Variants in SNX29 observed in about 807,000 individuals in gnomAD.
SNX29 encodes the protein sorting nexin-29.
A neutral mutation model predicts 102.1 loss-of-function variants in SNX29; 78 were observed. The observed-to-expected ratio is 0.76, with a 90% CI of 0.64 to 0.92. The LOEUF is 0.92. Ranked by LOEUF, SNX29 falls within the 40% of genes least tolerant of loss-of-function variation. The pLI is 0.00. For missense variants in SNX29, 1,280 were observed against 1,061.7 expected (o/e 1.21, Z -2.86); for synonymous variants, 580 against 414.5 (o/e 1.40, Z -4.85).
chr16:12,399,610 C>T (rs1235672798), intron 17 of SNX29, among the ~76,000 whole-genome samples: 2 of 152,180 alleles, frequency 1.3e-5, no homozygotes, highest in Non-Finnish European at 2.9e-5. Context: ...GCCTCACTTT[C>T]CTAATTTGTG....
intron 18 of SNX29, among the ~76,000 whole-genome samples, chr16:12,417,704 C>T (rs1204228085): frequency 6.6e-6 from 1 of 151,228 alleles, no homozygotes; most frequent in African/African-American, 2.5e-5. Context: ...GTCCTCTCTT[C>T]TCTTTCCTCT....
rs961698616 is a variant in SNX29, at chr16:12,564,961, T to G, written c.2319-3545T>G. Among the ~76,000 whole-genome samples the G allele has an allele frequency of 2.0e-5, 3 of 150,322 alleles. No individual in the cohort carries two copies. In the South Asian group the frequency reaches 6.4e-4, roughly 32 times the overall value. On this transcript the variant is annotated intron_variant, in intron 20 of 20. Coordinates refer to ENST00000566228, the MANE Select transcript of SNX29 (RefSeq NM_032167.5). ...AAAAAAAAAAAAAAAAGGCTGTCAT[T>G]GTAAATGTGAGGCGTTTCAGCTTCC... is the stretch of plus-strand genomic sequence containing the variant.
chr16:12,525,990 A>G (rs996379304), intron 20 of SNX29, among the ~76,000 whole-genome samples: 2 of 152,074 alleles, frequency 1.3e-5, no homozygotes, highest in African/African-American at 2.4e-5. Context: ...GGGAACCAAA[A>G]CCATCAAGCC....
chr16:12,204,274 G>T (rs2076990850), intron 14 of SNX29, among the ~76,000 whole-genome samples: 1 of 152,118 alleles, frequency 6.6e-6, no homozygotes, highest in African/African-American at 2.4e-5. Context: ...AGCCTCCCCT[G>T]CTCCTGTTAT....
chr16:12,568,594 ACCCGCAACGTGGAGC>A lies in SNX29; in HGVS notation c.2411_2425del (p.Arg804_Pro808del), dbSNP rs1567225116. Reference sequence around the variant, plus strand: ...ACTGTCCCGGGGTCAGCCCCGGGAGACCCGCAACGTGGAGCCCCAGAGCGGTGACCTCTGACCTCG... The same window carrying A: ...ACTGTCCCGGGGTCAGCCCCGGGAGACCCAGAGCGGTGACCTCTGACCTCG... On this transcript the variant is annotated inframe_deletion, in exon 21 of 21. Transcript: ENST00000566228. 6.2e-7 allele frequency: 1 copy of A among 1,606,014 alleles called. No individual in the cohort carries two copies.
rs1489741496 is a variant in SNX29 at position 12,234,354 on chromosome 16, G to A, written c.1678+34671G>A. Among the ~76,000 whole-genome samples the A allele has an allele frequency of 2.0e-5, 3 of 152,098 alleles. 1 individual carries two copies. Among genetic ancestry groups the A allele is most frequent in the Non-Finnish European group, 4.4e-5 (3 of 68,024 alleles). ...TCTACAAATGGCTTACTGGCCATTT[G>A]TAGATCTTCAAAGGGTGTCTTTTCA... On this transcript the variant is annotated intron_variant, in intron 14 of 20. Coordinates refer to ENST00000566228, the MANE Select transcript of SNX29 (RefSeq NM_032167.5).
intron 14 of SNX29, among the ~76,000 whole-genome samples, chr16:12,269,262 C>T (rs1303441526): frequency 1.3e-5 from 2 of 152,128 alleles, no homozygotes; most frequent in Non-Finnish European, 2.9e-5. Context: ...GGATTTTTCC[C>T]GTGAATAAGG....
intron 14 of SNX29, among the ~76,000 whole-genome samples, chr16:12,259,816 C>G (rs933487372): frequency 2.0e-5 from 3 of 152,130 alleles, no homozygotes; most frequent in South Asian, 4.1e-4. Context: ...CCAGCCCTCC[C>G]CATGTGACTT....
intron 4 of SNX29, among the ~76,000 whole-genome samples, chr16:12,039,319 G>A (rs2662831): frequency 0.087 from 13,250 of 151,780 alleles, 596 homozygotes; most frequent in East Asian, 0.24. Flanking sequence ...TTGATTTTAT[G>A]GGAGAGGATT....
intron 14 of SNX29, among the ~76,000 whole-genome samples, chr16:12,242,180 T>G (rs113942237): frequency 0.018 from 2,793 of 152,150 alleles, 84 homozygotes; most frequent in African/African-American, 0.064. Flanking sequence ...AGGTTTCTGA[T>G]ATACAGTAAA....
intron 18 of SNX29, among the ~76,000 whole-genome samples, chr16:12,464,516 C>T (rs184415983): frequency 5.3e-5 from 8 of 152,164 alleles, no homozygotes; most frequent in East Asian, 3.9e-4. Flanking sequence ...TGCAGTGATG[C>T]GATCACAGCT....
chr16:12,204,793 C>G (rs1367838450), intron 14 of SNX29, among the ~76,000 whole-genome samples: 1 of 152,246 alleles, frequency 6.6e-6, no homozygotes, highest in Non-Finnish European at 1.5e-5. Flanking sequence ...ATTCCTGGCT[C>G]CACACCCACA....
intron 11 of SNX29, chr16:12,090,430 T>C (rs770342391): frequency 6.6e-6 from 1 of 152,088 alleles, no homozygotes; most frequent in Non-Finnish European, 1.5e-5. Context: ...CCTCACGCGG[T>C]TATTGATGGT....
intron 18 of SNX29, among the ~76,000 whole-genome samples, chr16:12,439,796 A>C (rs10048081): frequency 0.026 from 3,888 of 152,190 alleles, 86 homozygotes; most frequent in East Asian, 0.097. Flanking sequence ...TCAGTTTCCC[A>C]CTTTTCTGCT....
At chr16:12,543,339 G>A (rs1470262461) in intron 20 of SNX29, among the ~76,000 whole-genome samples, 1 of 152,174 alleles carries the variant, frequency 6.6e-6, no homozygotes, top group Non-Finnish European at 1.5e-5. Flanking sequence ...CTGGGGCAGA[G>A]GAGCAGGGTG....
Position 12,049,128 on chromosome 16 carries a change from G to A in SNX29, c.748+508G>A, listed in dbSNP as rs547478195. ...GCCATTGGTCTTGCCTCTGACTGGG[G>A]ATGGCATTTAAGGCCTCAGGAAAGA... On this transcript the variant is annotated intron_variant, in intron 7 of 20. Coordinates refer to ENST00000566228, the MANE Select transcript of SNX29 (RefSeq NM_032167.5). Among the ~76,000 whole-genome samples the A allele has an allele frequency of 2.2e-4, 33 of 152,282 alleles. No homozygotes were observed. The South Asian group carries it at 6.6e-3, about 31-fold the overall frequency.
chr16:12,058,396 C>G (rs895465065), intron 8 of SNX29, among the ~76,000 whole-genome samples: 6 of 151,554 alleles, frequency 4.0e-5, no homozygotes, highest in African/African-American at 1.5e-4. Context: ...AATCAAGGCA[C>G]CAGATACTGA....
At chr16:12,142,713 G>T (rs2054909569) in intron 13 of SNX29, among the ~76,000 whole-genome samples, 1 of 151,734 alleles carries the variant, frequency 6.6e-6, no homozygotes, top group East Asian at 2.0e-4. Context: ...ACAGGCGCCT[G>T]CCACCACGCC....
At chr16:12,256,694 G>T (rs1338923437) in intron 14 of SNX29, among the ~76,000 whole-genome samples, 1 of 152,120 alleles carries the variant, frequency 6.6e-6, no homozygotes, top group African/African-American at 2.4e-5. Flanking sequence ...CCTGCTATGT[G>T]CCAGGTACCA....
Sources: allele counts gnomAD v4.1 joint callset (sites outside exome capture counted in the v4.1 genomes callset), GRCh38; gene constraint gnomAD v4.1.1; transcripts MANE v1.5; gene names NCBI Gene and HGNC (gene_info 2026-07-23, HGNC 2026-07-21).